Variants in SPIDR observed in about 807,000 individuals in gnomAD.
SPIDR encodes the protein DNA repair-scaffolding protein.
SPIDR carries 93 observed loss-of-function variants against 104.6 expected under a neutral mutation model. The ratio of observed to expected loss-of-function variants is 0.89; its 90% CI spans 0.75 to 1.06. The LOEUF is 1.06. Ranked by LOEUF, SPIDR falls within the 50% of genes least tolerant of loss-of-function variation. The probability of loss-of-function intolerance (pLI) is 0.00; values close to 1 mark genes in which losing one functional copy is unlikely to be tolerated. For missense variants in SPIDR, 1,154 were observed against 1,111.2 expected, an observed-to-expected ratio of 1.04 and a Z score of -0.55; for synonymous variants, 431 against 416.9, an observed-to-expected ratio of 1.03 and a Z score of -0.41.
At chr8:47,561,966 TC>T (rs1400313880) in intron 8 of SPIDR, among the ~76,000 whole-genome samples, 13 of 152,386 alleles carry the variant, frequency 8.5e-5, no homozygotes, top group African/African-American at 3.1e-4. Flanking sequence ...ACACAAGTGT[TC>T]GGCTGTCTGC....
At chr8:47,355,696 C>T (rs2054404032) in intron 5 of SPIDR, among the ~76,000 whole-genome samples, 1 of 152,164 alleles carries the variant, frequency 6.6e-6, no homozygotes, top group African/African-American at 2.4e-5. Context: ...AATCAGAGTC[C>T]AGTGAAGTTC....
intron 10 of SPIDR, among the ~76,000 whole-genome samples, chr8:47,649,570 A>C (rs2071222285): frequency 3.9e-5 from 6 of 152,168 alleles, no homozygotes; most frequent in Admixed American, 3.9e-4. Context: ...GTGAGTAGGA[A>C]GATTAGGTGG....
In SPIDR at chr8:47,278,701, G is replaced by A. The variant is rs1554556199; in HGVS notation, c.34-1161G>A. Among the ~76,000 whole-genome samples the A allele has an allele frequency of 1.3e-3, 192 of 152,058 alleles. 1 individual carries two copies. Among genetic ancestry groups the A allele is most frequent in the African/African-American group, 3.2e-3 (132 of 41,476 alleles). On this transcript the variant is annotated intron_variant, in intron 1 of 19. Transcript: ENST00000297423. Reference sequence around the variant, plus strand: ...CGGCTCATTGCAACCTTTGCCTTCCGGGGTCAAGCGATTGTCCTGCCCCAG... The same window carrying A: ...CGGCTCATTGCAACCTTTGCCTTCCAGGGTCAAGCGATTGTCCTGCCCCAG...
At position 47,319,983 on chromosome 8, in the gene SPIDR, C is replaced by T. The variant is rs545361627; in HGVS notation, c.525+25953C>T. The stretch of plus-strand genomic sequence containing the variant: ...GGAAATTTATAGCACTAAATGCCCA[C>T]AAGAGAAAGCAGGAAAGATCTAAAA... On this transcript the variant is annotated intron_variant, in intron 5 of 19. Coordinates refer to ENST00000297423, the MANE Select transcript of SPIDR (RefSeq NM_001080394.4). Among the ~76,000 whole-genome samples the T allele has an allele frequency of 3.5e-4, 53 of 151,802 alleles. No homozygotes were observed. The South Asian group carries it at 1.0e-2, about 29-fold the overall frequency.
rs565812140 is a variant in SPIDR, at chr8:47,712,576, TAGTATA to T, written c.1978-85_1978-80del. Reference sequence around the variant, plus strand: ...TTTTTGAAATAATATCTTAAATTGTTAGTATATGTATAACTTCTGCTTTTAAATGCT... The same window carrying T: ...TTTTTGAAATAATATCTTAAATTGTTTGTATAACTTCTGCTTTTAAATGCT... On this transcript the variant is annotated intron_variant, in intron 14 of 19. Transcript: ENST00000297423. 3.0e-6 allele frequency: 4 copies of T among 1,317,696 alleles called. No homozygotes were observed. The South Asian group carries it at 5.5e-5, about 18-fold the overall frequency. 81.6% of individuals were successfully genotyped at this position (1,317,696 alleles called of 1,614,324 possible).
intron 7 of SPIDR, among the ~76,000 whole-genome samples, chr8:47,421,170 G>A (rs1554680161): frequency 6.6e-6 from 1 of 152,212 alleles, no homozygotes; most frequent in East Asian, 1.9e-4. Flanking sequence ...TTGCTAGATT[G>A]GGGAAGTTCT....
intron 10 of SPIDR, among the ~76,000 whole-genome samples, chr8:47,648,532 C>G (rs995127548): frequency 6.6e-6 from 1 of 152,158 alleles, no homozygotes; most frequent in Non-Finnish European, 1.5e-5. Flanking sequence ...TGTATGTGTG[C>G]ACACACTTCC....
At position 47,331,536 on chromosome 8, in the gene SPIDR, A is replaced by G. The variant is rs781982693; in HGVS notation, c.525+37506A>G. Among the ~76,000 whole-genome samples the G allele has an allele frequency of 1.1e-4, 16 of 152,200 alleles. 1 individual carries two copies. Among genetic ancestry groups the G allele is most frequent in the African/African-American group, 2.7e-4 (11 of 41,454 alleles). ...AAAAGATAAACAGTGGTATACATGT[A>G]TAGGGCACTTACCATGAATGGAGCT... On this transcript the variant is annotated intron_variant, in intron 5 of 19. Coordinates refer to ENST00000297423, the MANE Select transcript of SPIDR (RefSeq NM_001080394.4).
At chr8:47,693,599 G>A (rs2078963776) in intron 11 of SPIDR, among the ~76,000 whole-genome samples, 1 of 152,174 alleles carries the variant, frequency 6.6e-6, no homozygotes, top group South Asian at 2.1e-4. Context: ...TCTAGGCACT[G>A]GGATTCCACA....
chr8:47,323,855 G>A (rs1287485613), intron 5 of SPIDR, among the ~76,000 whole-genome samples: 3 of 152,144 alleles, frequency 2.0e-5, no homozygotes, highest in Non-Finnish European at 4.4e-5. Flanking sequence ...CTTTATTTAC[G>A]AAATGCTGTG....
At chr8:47,382,550 C>T (rs2059437907) in intron 5 of SPIDR, among the ~76,000 whole-genome samples, 1 of 152,094 alleles carries the variant, frequency 6.6e-6, no homozygotes. Context: ...GTAGCTGGGA[C>T]TACAGGAGTG....
chr8:47,379,623 G>A (rs2059086499), intron 5 of SPIDR, among the ~76,000 whole-genome samples: 1 of 152,196 alleles, frequency 6.6e-6, no homozygotes, highest in African/African-American at 2.4e-5. Context: ...TGAAACACTG[G>A]TTAAATTGTG....
At chr8:47,277,323 ATGTTATG>A (rs2036675097) in intron 1 of SPIDR, among the ~76,000 whole-genome samples, 1 of 20,136 alleles carries the variant, frequency 5.0e-5, no homozygotes, top group African/African-American at 1.8e-4. Context: ...TTGTTATGTT[ATGTTATG>A]TTATGTTATG....
At chr8:47,312,528 G>C (rs2044400179) in intron 5 of SPIDR, among the ~76,000 whole-genome samples, 1 of 152,146 alleles carries the variant, frequency 6.6e-6, no homozygotes. Context: ...CTTTTGAGAA[G>C]TGTCTGTTCA....
intron 10 of SPIDR, among the ~76,000 whole-genome samples, chr8:47,621,246 C>T (rs369605750): frequency 1.7e-4 from 26 of 152,350 alleles, no homozygotes; most frequent in African/African-American, 5.3e-4. Context: ...TGAGCCACCA[C>T]GCCCGGCCAA....
At chr8:47,481,279 T>C (rs2076871337) in intron 8 of SPIDR, among the ~76,000 whole-genome samples, 1 of 152,188 alleles carries the variant, frequency 6.6e-6, no homozygotes, top group African/African-American at 2.4e-5. Flanking sequence ...AGATATATAA[T>C]TGGACATTTG....
At chr8:47,711,670 T>A (rs528743337) in intron 14 of SPIDR, among the ~76,000 whole-genome samples, 15 of 152,182 alleles carry the variant, frequency 9.9e-5, no homozygotes, top group Non-Finnish European at 2.1e-4. Flanking sequence ...CTATATCTAC[T>A]TCTATATTTC....
intron 6 of SPIDR, among the ~76,000 whole-genome samples, chr8:47,406,839 A>G (rs1554667645): frequency 6.6e-6 from 1 of 152,174 alleles, no homozygotes; most frequent in Admixed American, 6.5e-5. Flanking sequence ...ACCTCTCTCT[A>G]AATTCTGGTT....
At chr8:47,265,819 T>G (rs1206628240) in intron 1 of SPIDR, among the ~76,000 whole-genome samples, 1 of 152,158 alleles carries the variant, frequency 6.6e-6, no homozygotes, top group Non-Finnish European at 1.5e-5. Context: ...TGTTGACAGA[T>G]TTCATGTCTG....
Sources: allele counts gnomAD v4.1 joint callset (sites outside exome capture counted in the v4.1 genomes callset), GRCh38; gene constraint gnomAD v4.1.1; transcripts MANE v1.5; gene names NCBI Gene and HGNC (gene_info 2026-07-23, HGNC 2026-07-21).